The following RERE variants were observed in gnomAD, a reference collection of about 807,000 sequenced individuals.
RERE encodes the protein arginine-glutamic acid dipeptide repeats, also known as arginine-glutamic acid dipeptide repeats protein.
A neutral mutation model predicts 146.1 loss-of-function variants in RERE; 40 were observed. The ratio of observed to expected loss-of-function variants is 0.27; its 90% CI spans 0.21 to 0.36. The LOEUF (loss-of-function observed/expected upper bound fraction) is 0.36, where lower values mean the gene tolerates loss of function less well. Among genes scored for constraint, RERE ranks in the 10% least tolerant of loss-of-function variants. RERE has a pLI of 1.00. For missense variants in RERE, 1,933 were observed against 2,138.7 expected (o/e 0.90, Z 1.90); for synonymous variants, 1,003 against 866.0 (o/e 1.16, Z -2.78).
intron 7 of RERE, among the ~76,000 whole-genome samples, chr1:8,526,636 A>T (rs772721694): frequency 6.6e-6 from 1 of 152,314 alleles, no homozygotes; most frequent in East Asian, 1.9e-4. Flanking sequence ...AGAAACTAAA[A>T]ATAATAAATA....
At chr1:8,398,760 C>A (rs1643144436) in intron 12 of RERE, among the ~76,000 whole-genome samples, 1 of 152,102 alleles carries the variant, frequency 6.6e-6, no homozygotes, top group Non-Finnish European at 1.5e-5. Context: ...CCACTACACC[C>A]ATGGAATCTG....
chr1:8,388,374 C>T (rs898056771), intron 12 of RERE, among the ~76,000 whole-genome samples: 1 of 150,520 alleles, frequency 6.6e-6, no homozygotes. Context: ...CTGCGGACTG[C>T]AGTGGCGCAA....
intron 4 of RERE, among the ~76,000 whole-genome samples, chr1:8,576,094 T>C (rs1458752849): frequency 1.3e-5 from 2 of 152,174 alleles, no homozygotes; most frequent in Non-Finnish European, 2.9e-5. Flanking sequence ...ATGTTAATTT[T>C]TAGGTTTGAT....
chr1:8,363,871 G>A (rs143536967), intron 15 of RERE, 185 bp downstream of exon 15: 20 of 617,694 alleles, frequency 3.2e-5, no homozygotes, highest in South Asian at 1.4e-4. Context: ...GGGGCCCCTC[G>A]AAGGAGAGAA....
chr1:8,769,781 C>T (rs957582990), intron 1 of RERE, among the ~76,000 whole-genome samples: 9 of 151,618 alleles, frequency 5.9e-5, no homozygotes, highest in East Asian at 1.9e-4. Context: ...CCAGGCCACA[C>T]GATTTTTTTT....
chr1:8,801,844 G>A (rs1641597039), intron 1 of RERE, among the ~76,000 whole-genome samples: 1 of 152,158 alleles, frequency 6.6e-6, no homozygotes, highest in South Asian at 2.1e-4. Context: ...ATGAGGATGC[G>A]AACCAAAGAG....
intron 1 of RERE, among the ~76,000 whole-genome samples, chr1:8,694,029 C>CAAAAAA (rs144018056): frequency 8.3e-6 from 1 of 120,562 alleles, no homozygotes; most frequent in Non-Finnish European, 1.7e-5. Flanking sequence ...TTTTCTTTCC[C>CAAAAAA]AAAAAAAAAA....
At chr1:8,387,177 T>A (rs2587513) in intron 12 of RERE, among the ~76,000 whole-genome samples, 1 of 151,960 alleles carries the variant, frequency 6.6e-6, no homozygotes, top group Admixed American at 6.6e-5. Flanking sequence ...CACACTCTTA[T>A]GGAAATTTCA....
chr1:8,661,520 G>C (rs1006198446), intron 1 of RERE, among the ~76,000 whole-genome samples: 3 of 152,284 alleles, frequency 2.0e-5, no homozygotes, highest in South Asian at 4.1e-4. Flanking sequence ...CTCAAGGAGC[G>C]CAGTGGGGCA....
intron 1 of RERE, among the ~76,000 whole-genome samples, chr1:8,661,135 C>T (rs1308063354): frequency 6.6e-6 from 1 of 152,162 alleles, no homozygotes; most frequent in Non-Finnish European, 1.5e-5. Flanking sequence ...GAAGGCCTCT[C>T]TGAGGGGGCT....
chr1:8,607,725 CTTTTT>C (rs35349056), intron 4 of RERE, among the ~76,000 whole-genome samples: 1 of 92,920 alleles, frequency 1.1e-5, no homozygotes, highest in African/African-American at 4.5e-5. Context: ...CCATATCTGG[CTTTTT>C]TTTTTTTTTT....
At chr1:8,481,452 T>C (rs1480331857) in intron 10 of RERE, among the ~76,000 whole-genome samples, 1 of 152,210 alleles carries the variant, frequency 6.6e-6, no homozygotes, top group Non-Finnish European at 1.5e-5. Context: ...TATAAGGTAC[T>C]GGCCTCAATT....
At position 8,360,427 on chromosome 1, in the gene RERE, T is replaced by C; in HGVS notation, c.3080A>G (p.Gln1027Arg). 1 of 239,844 alleles carries C rather than the reference T, an allele frequency of 4.2e-6. No homozygotes were observed. The highest frequency in any genetic ancestry group is 5.3e-6 in the Non-Finnish European group (1 of 190,456). The allele number at this position is 239,844 out of a possible 1,614,324, so 14.9% of individuals were successfully genotyped here. A position where few individuals can be genotyped will look rare whatever the true frequency, so the allele number is the denominator to read the frequency against. The part of the protein sequence containing the change: ...PASHPPTGLH[Q>R]VAPQPPFAQH... ...AGCAAACGGGGGTTGGGGGGCCACC[T>C]GGTGGAGGCCTGTAGGGGGGTGGGA... Residue 1027 changes from glutamine to arginine, a missense_variant, in exon 18 of 23, where the codon CAG becomes CGG. Around this residue, in one of 11 missense-constraint regions of RERE, gnomAD observed 1,255 missense variants for 1,153.8 expected, o/e 1.09. Transcript: ENST00000400908.
chr1:8,521,215 A>G (rs1645495757), intron 7 of RERE, among the ~76,000 whole-genome samples: 1 of 151,810 alleles, frequency 6.6e-6, no homozygotes, highest in Non-Finnish European at 1.5e-5. Context: ...TGTATAAAGA[A>G]AAACATAAAC....
intron 4 of RERE, among the ~76,000 whole-genome samples, chr1:8,581,354 GTATTTTTTTAAATGTAT>G (rs1231686251): frequency 9.9e-5 from 15 of 152,176 alleles, no homozygotes; most frequent in Non-Finnish European, 2.1e-4. Context: ...TTGTTGGAAG[GTATTTTTTTAAATGTAT>G]TCTGCATCCA....
In RERE at chr1:8,360,632, T is replaced by G. The variant is rs751542034; in HGVS notation, c.2875A>C (p.Met959Leu). Residue 959 changes from methionine (M) to leucine (L), a missense_variant, in exon 18 of 23, where the codon ATG becomes CTG. Transcript: ENST00000400908. Reference sequence around the variant, plus strand: ...GGAGGGGGAGGCAGGTTGGCATTCATGGAGAAGGGTGAGGGCCCCGAGAGG... The same window carrying G: ...GGAGGGGGAGGCAGGTTGGCATTCAGGGAGAAGGGTGAGGGCCCCGAGAGG... ...PHLSGPSPFS[M>L]NANLPPPPAL... is the part of the protein sequence containing the mutation. 1.3e-6 allele frequency: 2 copies of G among 1,487,356 alleles called. No homozygotes were observed. Among genetic ancestry groups the G allele is most frequent in the Middle Eastern group, 1.9e-4 (1 of 5,354 alleles). 92.1% of individuals were successfully genotyped at this position (1,487,356 alleles called of 1,614,324 possible). A position where few individuals can be genotyped will look rare whatever the true frequency, so the allele number is the denominator to read the frequency against.
chr1:8,724,607 G>A (rs1438268726), intron 1 of RERE, among the ~76,000 whole-genome samples: 2 of 152,094 alleles, frequency 1.3e-5, no homozygotes, highest in Non-Finnish European at 2.9e-5. Flanking sequence ...AGCACTTCGG[G>A]AGGCTGAGGT....
At chr1:8,448,705 T>G (rs1644354435) in intron 11 of RERE, among the ~76,000 whole-genome samples, 1 of 150,848 alleles carries the variant, frequency 6.6e-6, no homozygotes, top group Non-Finnish European at 1.5e-5. Context: ...GGCGCACATC[T>G]GTAATCCCAG....
In RERE at chr1:8,470,267, T is replaced by C. The variant is rs972167625; in HGVS notation, c.1105-4244A>G. On this transcript the variant is annotated intron_variant, in intron 10 of 22. Coordinates refer to ENST00000400908, the MANE Select transcript of RERE (RefSeq NM_001042681.2). Reference sequence around the variant, plus strand: ...TTATTTACCCAAAGTGACAAATTTTTTTCTTTCTTTTTGGAGATGGAGTCT... The same window carrying C: ...TTATTTACCCAAAGTGACAAATTTTCTTCTTTCTTTTTGGAGATGGAGTCT... Among the ~76,000 whole-genome samples the C allele has an allele frequency of 2.0e-5, 3 of 152,118 alleles. 1 individual carries two copies. The highest frequency in any genetic ancestry group is 7.2e-5 in the African/African-American group (3 of 41,414).
Sources: allele counts gnomAD v4.1 joint callset (sites outside exome capture counted in the v4.1 genomes callset), GRCh38; gene constraint gnomAD v4.1.1; regional missense constraint gnomAD v4.1.1; transcripts MANE v1.5; gene names NCBI Gene and HGNC (gene_info 2026-07-23, HGNC 2026-07-21).